Variants in KDM5A observed in about 807,000 individuals in gnomAD.
The protein encoded by KDM5A is lysine-specific demethylase 5A.
Under a neutral mutation model 193.5 loss-of-function variants are expected in KDM5A, and 42 were observed. The ratio of observed to expected loss-of-function variants is 0.22; its 90% CI spans 0.17 to 0.28. The LOEUF (loss-of-function observed/expected upper bound fraction) is 0.28, where lower values mean the gene tolerates loss of function less well. Among genes scored for constraint, KDM5A ranks in the 10% least tolerant of loss-of-function variants. The probability of loss-of-function intolerance (pLI) is 1.00; values close to 1 mark genes in which losing one functional copy is unlikely to be tolerated. For synonymous variants in KDM5A, 796 were observed against 718.1 expected, an observed-to-expected ratio of 1.11 and a Z score of -1.73; for missense variants, 1,692 against 2,055.1, an observed-to-expected ratio of 0.82 and a Z score of 3.42.
At chr12:388,652 G>A (rs1434934584) in intron 1 of KDM5A, 1 of 534,722 alleles carries the variant, frequency 1.9e-6, no homozygotes, top group East Asian at 3.3e-5. Flanking sequence ...ACACCATATC[G>A]GCTAACGAAA....
At chr12:365,286 T>C (rs1944343015) in intron 4 of KDM5A, among the ~76,000 whole-genome samples, 1 of 152,170 alleles carries the variant, frequency 6.6e-6, no homozygotes, top group Non-Finnish European at 1.5e-5. Context: ...ACTTCTGGCC[T>C]CAAACGATCC....
intron 11 of KDM5A, among the ~76,000 whole-genome samples, 167 bp from the exon 12 acceptor site, chr12:333,816 G>T (rs780347403): frequency 5.3e-5 from 8 of 152,152 alleles, no homozygotes; most frequent in Non-Finnish European, 1.0e-4. Context: ...GTTCACAATA[G>T]GAGGTAAGTA....
chr12:359,984 G>C (rs1245550343), intron 5 of KDM5A, among the ~76,000 whole-genome samples: 1 of 151,718 alleles, frequency 6.6e-6, no homozygotes, highest in East Asian at 2.0e-4. Context: ...AAAAGAAAAG[G>C]ATAGATTTGG....
At chr12:366,377 AAAACT>A (rs1944357387) in intron 3 of KDM5A, among the ~76,000 whole-genome samples, 1 of 152,240 alleles carries the variant, frequency 6.6e-6, no homozygotes, top group Admixed American at 6.5e-5. Context: ...GCACTGTGAG[AAAACT>A]AAACACATGT....
chr12:323,248 A>C (rs746248594), intron 15 of KDM5A, 42 bp from the exon 16 acceptor site: 29 of 1,497,906 alleles, frequency 1.9e-5, no homozygotes, highest in Middle Eastern at 2.4e-4. Context: ...AAGAAAACAG[A>C]AATAAAAACC....
At chr12:323,238 AAGAAAACAG>A in intron 15 of KDM5A, 32 bp from the exon 16 acceptor site, 6 of 1,489,770 alleles carry the variant, frequency 4.0e-6, no homozygotes, top group Non-Finnish European at 3.6e-6. Context: ...AAAAAAAAAA[AAGAAAACAG>A]AAATAAAAAC....
chr12:348,720 T>C (rs534521799), intron 10 of KDM5A, among the ~76,000 whole-genome samples: 6 of 151,978 alleles, frequency 3.9e-5, no homozygotes, highest in South Asian at 2.1e-4. Flanking sequence ...ATGAGATCAC[T>C]TGAACACAGG....
chr12:323,236 A>AAAAAAAAAAG, intron 15 of KDM5A, 30 bp from the exon 16 acceptor site: 3 of 1,500,444 alleles, frequency 2.0e-6, no homozygotes, highest in South Asian at 2.5e-5. Flanking sequence ...AAAAAAAAAA[A>AAAAAAAAAAG]AAAGAAAACA....
rs1056426436 is a variant in KDM5A, at chr12:347,163, T to C, written c.1308+3458A>G. Among the ~76,000 whole-genome samples the C allele has an allele frequency of 1.5e-4, 23 of 152,254 alleles. No homozygotes were observed. The East Asian group carries it at 2.3e-3, about 15-fold the overall frequency. On this transcript the variant is annotated intron_variant, in intron 10 of 27. Coordinates refer to ENST00000399788, the MANE Select transcript of KDM5A (RefSeq NM_001042603.3). Reference sequence around the variant, plus strand: ...ATCATGAGTGAACTCCCATTCACAATTGCTACAAAGAGAATAAAACACCTA... The same window carrying C: ...ATCATGAGTGAACTCCCATTCACAACTGCTACAAAGAGAATAAAACACCTA...
At position 354,106 on chromosome 12, in the gene KDM5A, T is replaced by C; in HGVS notation, c.999A>G (p.Gly333=). ...LIPPLPDVPK[G]DWRCPKCVAE... ...CGACACATTTAGGACACCTCCAGTC[T>C]CCTTTGGGCACATCAGGTAGTGGAG... is the stretch of plus-strand genomic sequence containing the variant. Residue 333 remains glycine, a synonymous_variant, in exon 8 of 28, where the codon GGA becomes GGG. Transcript: ENST00000399788. 6.2e-7 allele frequency: 1 copy of C among 1,613,914 alleles called. No individual in the cohort carries two copies. The highest frequency in any genetic ancestry group is 8.5e-7 in the Non-Finnish European group (1 of 1,179,858).
intron 26 of KDM5A, 40 bp downstream of exon 26, chr12:295,533 T>C: frequency 5.7e-6 from 9 of 1,569,196 alleles, no homozygotes; most frequent in Non-Finnish European, 7.9e-6. Context: ...CTAGGCATTC[T>C]AGTTTTTAAC....
At chr12:311,746 C>T (rs371101584) in intron 20 of KDM5A, among the ~76,000 whole-genome samples, 1 of 150,464 alleles carries the variant, frequency 6.6e-6, no homozygotes, top group South Asian at 2.1e-4. Context: ...AAAGAGAAGA[C>T]ACCCAGGCCA....
chr12:313,964 G>C (rs777795772), intron 19 of KDM5A, among the ~76,000 whole-genome samples: 2 of 152,164 alleles, frequency 1.3e-5, no homozygotes, highest in Non-Finnish European at 2.9e-5. Context: ...TTGCGATTAG[G>C]GGGTGATGTG....
intron 3 of KDM5A, among the ~76,000 whole-genome samples, chr12:372,979 C>A (rs988695898): frequency 6.6e-6 from 1 of 152,148 alleles, no homozygotes. Context: ...TGATGTGCTG[C>A]TGGATTTGGT....
chr12:302,824 GA>G (rs1002647299), intron 24 of KDM5A, among the ~76,000 whole-genome samples: 10 of 151,908 alleles, frequency 6.6e-5, no homozygotes, highest in Non-Finnish European at 1.3e-4. Flanking sequence ...AAATTTACAA[GA>G]AAAAAACCAC....
chr12:315,605 A>T (rs142158821), intron 19 of KDM5A, among the ~76,000 whole-genome samples: 2 of 152,086 alleles, frequency 1.3e-5, no homozygotes, highest in South Asian at 4.1e-4. Flanking sequence ...GTGAAAAAGA[A>T]TGAGTATAAC....
chr12:312,994 A>G, intron 20 of KDM5A, 62 bp downstream of exon 20: 1 of 1,499,862 alleles, frequency 6.7e-7, no homozygotes, highest in Admixed American at 1.7e-5. Flanking sequence ...TTAATAGTTT[A>G]AAAGATTAAT....
Position 285,479 on chromosome 12 carries a change from C to T in KDM5A, c.5050G>A (p.Glu1684Lys). ...TGCTAACTGGTCTCTTTAAGATCCT[C>T]CATTGGTAGTTTGTAGCTCATTATG... ...SFIMSYKLPM[E>K]DLKETS Residue 1684 changes from glutamate to lysine, a missense_variant, in exon 28 of 28, where the codon GAG becomes AAG. By Grantham distance (56) the Glu-to-Lys change is moderately conservative (BLOSUM62 1). This residue lies in a region of KDM5A where 41 missense variants were observed against 36.3 expected (regional missense o/e 1.13). Coordinates refer to ENST00000399788, the MANE Select transcript of KDM5A (RefSeq NM_001042603.3). 1 of 1,613,986 alleles carries T rather than the reference C, an allele frequency of 6.2e-7. No individual in the cohort carries two copies. The highest frequency in any genetic ancestry group is 8.5e-7 in the Non-Finnish European group (1 of 1,179,912).
In KDM5A at chr12:321,082, C is replaced by A; in HGVS notation, c.2454G>T (p.Arg818=). The A allele has an allele frequency of 6.2e-7, 1 of 1,613,846 alleles. No individual in the cohort carries two copies. The highest frequency in any genetic ancestry group is 1.3e-5 in the African/African-American group (1 of 75,046). The change falls in exon 18 of 28, where the codon CGG becomes CGT. Residue 818 remains arginine (R), a synonymous_variant. Transcript: ENST00000399788. ...TCAATTCTTCCACTGTCAGTTTGGT[C>A]CGAGTCCTCCCACTATCTGGGCTCT... ...HRQSPDSGRT[R]TKLTVEELKA... is the part of the protein sequence containing the mutation.
Sources: allele counts gnomAD v4.1 joint callset (sites outside exome capture counted in the v4.1 genomes callset), GRCh38; gene constraint gnomAD v4.1.1; regional missense constraint gnomAD v4.1.1; transcripts MANE v1.5; gene names NCBI Gene and HGNC (gene_info 2026-07-23, HGNC 2026-07-21).